Variants in HS6ST2 observed in about 807,000 individuals in gnomAD.
HS6ST2 encodes heparan-sulfate 6-O-sulfotransferase 2.
HS6ST2 carries 17 observed loss-of-function variants against 33.0 expected under a neutral mutation model. The observed-to-expected ratio is 0.52, with a 90% CI of 0.35 to 0.77. HS6ST2 has a LOEUF of 0.77. HS6ST2 is among the 30% of genes least tolerant of loss of function. HS6ST2 has a pLI of 0.01. For missense variants in HS6ST2, 519 were observed against 551.7 expected (o/e 0.94, Z 0.59); for synonymous variants, 248 against 237.1 (o/e 1.05, Z -0.42).
chrX:132,818,088 AC>A (rs768979700), intron 2 of HS6ST2, among the ~76,000 whole-genome samples: 4 of 111,730 alleles, frequency 3.6e-5, no homozygotes, highest in African/African-American at 1.3e-4. Context: ...GAAAGGCTCT[AC>A]AAAACCTAGG....
intron 3 of HS6ST2, among the ~76,000 whole-genome samples, chrX:132,676,663 C>T (rs1029491755): frequency 4.5e-5 from 5 of 111,173 alleles, no homozygotes; most frequent in Non-Finnish European, 9.4e-5. Flanking sequence ...GTGGCAGGGA[C>T]CCCCAGAGTT....
intron 2 of HS6ST2, among the ~76,000 whole-genome samples, chrX:132,804,488 T>C (rs1254531135): frequency 1.8e-5 from 2 of 111,805 alleles, no homozygotes; most frequent in Non-Finnish European, 1.9e-5. Context: ...ACTGCTCTTC[T>C]CCTGCTTCAC....
intron 2 of HS6ST2, among the ~76,000 whole-genome samples, chrX:132,761,567 C>T (rs758670802): frequency 5.3e-5 from 6 of 112,435 alleles, no homozygotes; most frequent in Middle Eastern, 4.6e-3. Context: ...CTCTACTTCC[C>T]TGTGGGCAGA....
chrX:132,781,126 A>C (rs1479374803), intron 2 of HS6ST2, among the ~76,000 whole-genome samples: 2 of 112,356 alleles, frequency 1.8e-5, no homozygotes, highest in African/African-American at 6.5e-5. Context: ...AGAAAGGATA[A>C]GACTGTTTTC....
chrX:132,855,758 T>C (rs997211078), intron 2 of HS6ST2, among the ~76,000 whole-genome samples: 1 of 111,854 alleles, frequency 8.9e-6, no homozygotes, highest in African/African-American at 3.2e-5. Flanking sequence ...TCAGTTGCCA[T>C]TTGGAATTCA....
At chrX:132,904,485 G>T (rs1211073787) in intron 2 of HS6ST2, among the ~76,000 whole-genome samples, 1 of 94,166 alleles carries the variant, frequency 1.1e-5, no homozygotes, top group Non-Finnish European at 2.1e-5. Flanking sequence ...CTTTATTAGA[G>T]TGTCAAACTG....
rs1280524091 is a variant in HS6ST2 at position 132,673,921 on chromosome X, CA to C, written c.981-4723del. 2.7e-5 allele frequency among the ~76,000 whole-genome samples: 3 copies of C among 112,226 alleles called. No individual in the cohort carries two copies. In the Admixed American group the frequency reaches 2.8e-4, roughly 11 times the overall value. On this transcript the variant is annotated intron_variant, in intron 3 of 4. Transcript: ENST00000370833. The stretch of plus-strand genomic sequence containing the variant: ...TCTATTGTTGAGCAAGACACCTCTT[CA>C]AATATTGATTTCCTTTAATTAAAGC...
At chrX:132,731,943 T>G (rs975233576) in intron 2 of HS6ST2, among the ~76,000 whole-genome samples, 3 of 111,679 alleles carry the variant, frequency 2.7e-5, no homozygotes. Flanking sequence ...ACTGCTTTTT[T>G]TCCAATCTAA....
intron 2 of HS6ST2, among the ~76,000 whole-genome samples, chrX:132,803,518 C>T (rs2065255062): frequency 2.7e-5 from 3 of 111,799 alleles, no homozygotes; most frequent in Non-Finnish European, 3.8e-5. Flanking sequence ...AAGCGATTCT[C>T]GTGCCTTAGC....
At chrX:132,896,355 C>T (rs910571269) in intron 2 of HS6ST2, among the ~76,000 whole-genome samples, 1 of 109,372 alleles carries the variant, frequency 9.1e-6, no homozygotes. Context: ...CCTGTAGTCC[C>T]AGCTACTCGG....
At chrX:132,637,686 T>G (rs904218611) in intron 4 of HS6ST2, among the ~76,000 whole-genome samples, 45 of 90,865 alleles carry the variant, frequency 5.0e-4, no homozygotes, top group African/African-American at 1.5e-3. Context: ...TTATCCCAAA[T>G]CAATAGGAGT....
At chrX:132,828,722 A>G (rs1174847576) in intron 2 of HS6ST2, among the ~76,000 whole-genome samples, 2 of 93,726 alleles carry the variant, frequency 2.1e-5, no homozygotes, top group African/African-American at 4.1e-5. Flanking sequence ...ACACACACAC[A>G]CACACACACA....
chrX:132,669,870 G>C (rs184625239), intron 3 of HS6ST2: 24 of 112,643 alleles, frequency 2.1e-4, no homozygotes, highest in African/African-American at 7.4e-4. Context: ...AATAAACGCA[G>C]ACGAATTAAT....
intron 2 of HS6ST2, among the ~76,000 whole-genome samples, chrX:132,865,363 T>A (rs746488971): frequency 2.6e-3 from 292 of 110,888 alleles, no homozygotes; most frequent in African/African-American, 9.3e-3. Context: ...ACATTTTCTT[T>A]ATCCAGTCTA....
chrX:132,673,786 C>T lies in HS6ST2; in HGVS notation c.981-4587G>A, dbSNP rs1043430424. ...GCTTCAGGCCCCTCTCCAACAGATACACCAAGTCGTCATCTTTTGAAAGGT... is the reference window on the plus strand; with the variant it reads ...GCTTCAGGCCCCTCTCCAACAGATATACCAAGTCGTCATCTTTTGAAAGGT... On this transcript the variant is annotated intron_variant, in intron 3 of 4. Coordinates refer to ENST00000370833, the MANE Select transcript of HS6ST2 (RefSeq NM_001394073.1). Among the ~76,000 whole-genome samples the T allele has an allele frequency of 3.6e-5, 4 of 111,322 alleles. No homozygotes were observed. In the Admixed American group the frequency reaches 3.8e-4, roughly 11 times the overall value.
chrX:132,639,412 G>A (rs1179474460), intron 4 of HS6ST2, among the ~76,000 whole-genome samples: 1 of 111,503 alleles, frequency 9.0e-6, no homozygotes, highest in African/African-American at 3.3e-5. Flanking sequence ...AAATTATTTT[G>A]TGAGTCTTGG....
At chrX:132,763,641 T>C (rs185653708) in intron 2 of HS6ST2, among the ~76,000 whole-genome samples, 1 of 111,934 alleles carries the variant, frequency 8.9e-6, no homozygotes, top group Non-Finnish European at 1.9e-5. Context: ...CTTGCAACTG[T>C]GACATGTCTA....
At chrX:132,934,528 T>C (rs1021859440) in intron 2 of HS6ST2, among the ~76,000 whole-genome samples, 22 of 112,089 alleles carry the variant, frequency 2.0e-4, no homozygotes, top group African/African-American at 6.5e-4. Context: ...AAAGAGCTTA[T>C]TGTAATTAAG....
intron 2 of HS6ST2, among the ~76,000 whole-genome samples, chrX:132,955,042 C>T (rs1364955981): frequency 8.9e-6 from 1 of 112,284 alleles, no homozygotes; most frequent in Non-Finnish European, 1.9e-5. Flanking sequence ...CCATGGCTTT[C>T]ATGGTGACCA....
Sources: gnomAD v4.1 joint callset for allele counts (sites outside exome capture counted in the v4.1 genomes callset) on GRCh38, gnomAD v4.1.1 for gene constraint, MANE v1.5 for transcripts, NCBI Gene and HGNC (gene_info 2026-07-23, HGNC 2026-07-21) for gene names.